The following NTRK2 variants were observed in gnomAD, a reference collection of about 807,000 sequenced individuals.
NTRK2 encodes the protein neurotrophic receptor tyrosine kinase 2.
NTRK2 carries 13 observed loss-of-function variants against 94.5 expected under a neutral mutation model. The ratio of observed to expected loss-of-function variants is 0.14; its 90% confidence interval spans 0.09 to 0.22. NTRK2 has a LOEUF of 0.22. Among genes scored for constraint, NTRK2 ranks in the 10% least tolerant of loss-of-function variants. The pLI is 1.00. For synonymous variants in NTRK2, 372 were observed against 407.4 expected, an observed-to-expected ratio of 0.91 and a Z score of 1.05; for missense variants, 639 against 1,071.2, an observed-to-expected ratio of 0.60 and a Z score of 5.63.
At chr9:84,997,538 T>G (rs1238625882) in intron 17 of NTRK2, among the ~76,000 whole-genome samples, 1 of 152,130 alleles carries the variant, frequency 6.6e-6, no homozygotes, top group South Asian at 2.1e-4. Context: ...AGGGACTATT[T>G]GGAGGAATTC....
intron 14 of NTRK2, among the ~76,000 whole-genome samples, chr9:84,931,547 T>C (rs1055297668): frequency 3.3e-5 from 5 of 152,052 alleles, no homozygotes; most frequent in African/African-American, 9.7e-5. Context: ...GCCCATTTCC[T>C]AAAGAAAAGA....
At chr9:84,888,591 G>A (rs1315822081) in intron 14 of NTRK2, among the ~76,000 whole-genome samples, 17 of 108,858 alleles carry the variant, frequency 1.6e-4, no homozygotes, top group African/African-American at 4.0e-4. Flanking sequence ...CCAGCCTGGC[G>A]ACAGAGCAAC....
At chr9:84,926,165 C>CTTGCTTG (rs2077786173) in intron 14 of NTRK2, among the ~76,000 whole-genome samples, 6 of 48,384 alleles carry the variant, frequency 1.2e-4, no homozygotes, top group African/African-American at 4.3e-4. Context: ...TTCCTTCCTT[C>CTTGCTTG]CTTCCTTTCT....
At chr9:84,817,966 G>A (rs2072532018) in intron 12 of NTRK2, among the ~76,000 whole-genome samples, 1 of 151,852 alleles carries the variant, frequency 6.6e-6, no homozygotes, top group African/African-American at 2.4e-5. Flanking sequence ...TGTATTTCTA[G>A]CACTTAATTT....
intron 2 of NTRK2, among the ~76,000 whole-genome samples, chr9:84,676,073 G>A (rs1323635505): frequency 3.9e-5 from 6 of 152,176 alleles, no homozygotes; most frequent in Non-Finnish European, 8.8e-5. Flanking sequence ...ATCATGGAAA[G>A]CTGAAGTCAG....
At chr9:84,949,020 C>T (rs930726961) in intron 16 of NTRK2, among the ~76,000 whole-genome samples, 3 of 152,102 alleles carry the variant, frequency 2.0e-5, no homozygotes, top group Non-Finnish European at 4.4e-5. Context: ...ATGGAAATTG[C>T]AGTCCAGTGA....
chr9:84,870,331 G>GTATA (rs1158637577), intron 14 of NTRK2, among the ~76,000 whole-genome samples: 398 of 31,162 alleles, frequency 0.013, 10 homozygotes, highest in Middle Eastern at 0.056. Flanking sequence ...GTGTGTGTGT[G>GTATA]TATATATATA....
chr9:84,992,007 A>C (rs142414799), intron 17 of NTRK2, among the ~76,000 whole-genome samples: 4 of 152,142 alleles, frequency 2.6e-5, no homozygotes, highest in African/African-American at 9.7e-5. Context: ...CTCCATTTTG[A>C]AAACAGAGCT....
chr9:84,679,966 C>T (rs1185853346), intron 2 of NTRK2, among the ~76,000 whole-genome samples: 4 of 152,032 alleles, frequency 2.6e-5, no homozygotes, highest in Admixed American at 1.3e-4. Context: ...ATTCCTGGCC[C>T]ACTTCTGTGG....
intron 17 of NTRK2, among the ~76,000 whole-genome samples, chr9:84,975,911 G>C (rs1049574352): frequency 2.0e-5 from 3 of 152,098 alleles, no homozygotes; most frequent in African/African-American, 7.2e-5. Context: ...GGATAGCATA[G>C]GTCCCTATGC....
chr9:84,897,955 GC>G (rs1457245323), intron 14 of NTRK2, among the ~76,000 whole-genome samples: 1 of 152,168 alleles, frequency 6.6e-6, no homozygotes, highest in Non-Finnish European at 1.5e-5. Flanking sequence ...TGGGCAGAGG[GC>G]CAGGCCCACT....
At chr9:84,722,397 A>G (rs1279189224) in intron 6 of NTRK2, among the ~76,000 whole-genome samples, 3 of 152,100 alleles carry the variant, frequency 2.0e-5, no homozygotes, top group East Asian at 1.9e-4. Flanking sequence ...AGAATACATG[A>G]TAAGAGAAAG....
chr9:84,817,316 A>T (rs2072491420), intron 12 of NTRK2, among the ~76,000 whole-genome samples: 1 of 152,246 alleles, frequency 6.6e-6, no homozygotes, highest in Admixed American at 6.5e-5. Context: ...TCACTGGGTC[A>T]TCCTGGGTGT....
chr9:84,828,058 TC>T, intron 12 of NTRK2, among the ~76,000 whole-genome samples: 1 of 152,192 alleles, frequency 6.6e-6, no homozygotes. Flanking sequence ...TTGCATTGAC[TC>T]CCAACCTTAG....
chr9:84,699,021 G>A (rs1330448292), intron 2 of NTRK2, among the ~76,000 whole-genome samples: 2 of 149,050 alleles, frequency 1.3e-5, no homozygotes, highest in African/African-American at 5.0e-5. Flanking sequence ...TCTACTACTA[G>A]AGGAGCCCTT....
intron 14 of NTRK2, among the ~76,000 whole-genome samples, chr9:84,885,631 G>A (rs77135054): frequency 6.6e-6 from 1 of 152,106 alleles, no homozygotes; most frequent in Admixed American, 6.6e-5. Context: ...GGTAAGGAAG[G>A]GTTATTTCCT....
At chr9:84,701,016 A>G (rs569367093) in intron 2 of NTRK2, among the ~76,000 whole-genome samples, 2 of 152,368 alleles carry the variant, frequency 1.3e-5, no homozygotes, top group South Asian at 4.1e-4. Flanking sequence ...AAACAGATCT[A>G]GCTATCTCAA....
intron 9 of NTRK2, among the ~76,000 whole-genome samples, chr9:84,728,974 C>T (rs1235155085): frequency 6.6e-6 from 1 of 152,182 alleles, no homozygotes; most frequent in Admixed American, 6.5e-5. Context: ...GAATAGAGTT[C>T]CTCATCAGAG....
chr9:85,014,167 A>G (rs1831953736), intron 17 of NTRK2, among the ~76,000 whole-genome samples: 1 of 152,174 alleles, frequency 6.6e-6, no homozygotes, highest in Non-Finnish European at 1.5e-5. Flanking sequence ...GTGAGATTTG[A>G]GAGGAGATTC....
Sources: gnomAD v4.1 joint callset for allele counts (sites outside exome capture counted in the v4.1 genomes callset) on GRCh38, gnomAD v4.1.1 for gene constraint, MANE v1.5 for transcripts, NCBI Gene and HGNC (gene_info 2026-07-23, HGNC 2026-07-21) for gene names.